CACNA2D3: variants seen among roughly 807,000 people sequenced by gnomAD.
CACNA2D3 encodes the protein voltage-dependent calcium channel subunit alpha-2/delta-3.
Under a neutral mutation model 160.6 loss-of-function variants are expected in CACNA2D3, and 60 were observed. The observed-to-expected ratio is 0.37, with a 90% CI of 0.30 to 0.46. The LOEUF is 0.46. Ranked by LOEUF, CACNA2D3 falls within the 20% of genes least tolerant of loss-of-function variation. CACNA2D3 has a pLI of 1.00. For synonymous variants in CACNA2D3, 558 were observed against 492.9 expected, an observed-to-expected ratio of 1.13 and a Z score of -1.75; for missense variants, 1,205 against 1,365.0, an observed-to-expected ratio of 0.88 and a Z score of 1.85.
intron 17 of CACNA2D3, among the ~76,000 whole-genome samples, chr3:54,859,814 T>C (rs1300874483): frequency 2.0e-5 from 3 of 152,064 alleles, no homozygotes; most frequent in Non-Finnish European, 4.4e-5. Flanking sequence ...GAGGAGCAAG[T>C]CAAGGGGACA....
chr3:54,163,133 G>A lies in CACNA2D3; in HGVS notation c.204+39539G>A, dbSNP rs1700380275. Among the ~76,000 whole-genome samples, 3 of 152,322 alleles carry A rather than the reference G, an allele frequency of 2.0e-5. No individual in the cohort carries two copies. The South Asian group carries it at 6.2e-4, about 32-fold the overall frequency. On this transcript the variant is annotated intron_variant, in intron 2 of 37. Coordinates refer to ENST00000474759, the MANE Select transcript of CACNA2D3 (RefSeq NM_018398.3). ...CAAATGAGGTTGGAGAAGCATCAAG[G>A]GGTCAGATGATGTAGGGCTATGCAG...
rs116338055 is a variant in CACNA2D3 at position 54,980,028 on chromosome 3, A to G, written c.2557-4580A>G. Among the ~76,000 whole-genome samples the G allele has an allele frequency of 5.6e-3, 848 of 152,338 alleles. 6 individuals carry two copies. The highest frequency in any genetic ancestry group is 0.02 in the African/African-American group (816 of 41,584). ...TCTTATAATTTTGGAACACATACCA[A>G]TAGCACAACTATATAAATATATCCC... On this transcript the variant is annotated intron_variant, in intron 29 of 37. Coordinates refer to ENST00000474759, the MANE Select transcript of CACNA2D3 (RefSeq NM_018398.3).
chr3:54,726,787 G>A (rs1185529199), intron 11 of CACNA2D3, among the ~76,000 whole-genome samples: 4 of 152,104 alleles, frequency 2.6e-5, no homozygotes, highest in South Asian at 4.1e-4. Flanking sequence ...AGACTTAAAC[G>A]TAAAACCTAG....
At chr3:54,426,754 A>G (rs1048855437) in intron 4 of CACNA2D3, among the ~76,000 whole-genome samples, 5 of 152,192 alleles carry the variant, frequency 3.3e-5, no homozygotes, top group African/African-American at 1.2e-4. Flanking sequence ...AATTCTTAAT[A>G]GTTCTTGTGT....
intron 11 of CACNA2D3, among the ~76,000 whole-genome samples, chr3:54,667,658 A>T (rs2106892200): frequency 6.6e-6 from 1 of 152,290 alleles, no homozygotes; most frequent in South Asian, 2.1e-4. Flanking sequence ...AAAGAGTCAA[A>T]ATAAGGTCAG....
chr3:55,023,228 C>T (rs962285518), intron 35 of CACNA2D3, among the ~76,000 whole-genome samples: 1 of 152,150 alleles, frequency 6.6e-6, no homozygotes, highest in African/African-American at 2.4e-5. Flanking sequence ...TTTCGGATGG[C>T]TTTTACAGTG....
intron 2 of CACNA2D3, among the ~76,000 whole-genome samples, chr3:54,295,098 A>C (rs1242545844): frequency 6.6e-6 from 1 of 152,232 alleles, no homozygotes; most frequent in Non-Finnish European, 1.5e-5. Context: ...AATGAGACAC[A>C]TCTTCAGTGG....
intron 9 of CACNA2D3, among the ~76,000 whole-genome samples, chr3:54,607,838 A>G (rs1698667795): frequency 6.6e-6 from 1 of 152,250 alleles, no homozygotes; most frequent in South Asian, 2.1e-4. Context: ...AGTTTCCTTC[A>G]GCACGGGAAT....
chr3:54,748,226 C>T (rs1054842538), intron 11 of CACNA2D3, among the ~76,000 whole-genome samples: 1 of 152,160 alleles, frequency 6.6e-6, no homozygotes, highest in Non-Finnish European at 1.5e-5. Context: ...GTAGCCACTT[C>T]CTTCCCCTAA....
At chr3:54,420,059 C>T (rs1340048310) in intron 4 of CACNA2D3, among the ~76,000 whole-genome samples, 1 of 151,714 alleles carries the variant, frequency 6.6e-6, no homozygotes, top group Admixed American at 6.6e-5. Context: ...AGCTACTGCA[C>T]CCGGCCTATT....
At chr3:54,742,415 C>G (rs879482372) in intron 11 of CACNA2D3, among the ~76,000 whole-genome samples, 1 of 151,976 alleles carries the variant, frequency 6.6e-6, no homozygotes, top group Non-Finnish European at 1.5e-5. Flanking sequence ...GAGACTGTGT[C>G]TCAAAAAATA....
chr3:54,173,256 A>G (rs796438024), intron 2 of CACNA2D3, among the ~76,000 whole-genome samples: 14 of 152,312 alleles, frequency 9.2e-5, no homozygotes, highest in African/African-American at 3.4e-4. Context: ...ACATTCTGCA[A>G]ACATCTTTGG....
chr3:54,138,538 A>G (rs1250216537), intron 2 of CACNA2D3, among the ~76,000 whole-genome samples: 1 of 152,196 alleles, frequency 6.6e-6, no homozygotes, highest in African/African-American at 2.4e-5. Flanking sequence ...CTGGACAAAT[A>G]CTTGTTTTCA....
At chr3:54,872,314 G>T (rs1005970842) in intron 18 of CACNA2D3, among the ~76,000 whole-genome samples, 9 of 152,120 alleles carry the variant, frequency 5.9e-5, no homozygotes, top group Non-Finnish European at 1.5e-5. Flanking sequence ...GGCTGCCTTT[G>T]TGTGAATCCA....
At chr3:54,736,085 ATGTGTATATATATACATATATATG>A (rs1701513740) in intron 11 of CACNA2D3, among the ~76,000 whole-genome samples, 7 of 32,456 alleles carry the variant, frequency 2.2e-4, no homozygotes, top group African/African-American at 4.6e-4. Flanking sequence ...ATATATATGT[ATGTGTATATATATACATATATATG>A]TATATATATA....
chr3:54,473,874 C>T (rs186257987), intron 4 of CACNA2D3, among the ~76,000 whole-genome samples: 3 of 151,990 alleles, frequency 2.0e-5, no homozygotes, highest in Admixed American at 1.3e-4. Flanking sequence ...TTTAGAATGG[C>T]GATTATTAAA....
chr3:54,645,104 C>T (rs1485539443), intron 11 of CACNA2D3, among the ~76,000 whole-genome samples: 7 of 152,198 alleles, frequency 4.6e-5, no homozygotes, highest in Non-Finnish European at 1.0e-4. Context: ...TTAATTGACT[C>T]ACAATTGTGC....
intron 14 of CACNA2D3, among the ~76,000 whole-genome samples, chr3:54,828,104 G>A (rs940873600): frequency 1.3e-5 from 2 of 152,212 alleles, no homozygotes; most frequent in Admixed American, 6.5e-5. Flanking sequence ...AAGGTTTTAT[G>A]GAGGAAGCAG....
At chr3:54,126,272 G>A (rs1366938308) in intron 2 of CACNA2D3, among the ~76,000 whole-genome samples, 1 of 152,122 alleles carries the variant, frequency 6.6e-6, no homozygotes, top group East Asian at 1.9e-4. Context: ...AATAATAATT[G>A]GCCATGCATC....
Sources: gnomAD v4.1 joint callset for allele counts (sites outside exome capture counted in the v4.1 genomes callset) on GRCh38, gnomAD v4.1.1 for gene constraint, MANE v1.5 for transcripts, NCBI Gene and HGNC (gene_info 2026-07-23, HGNC 2026-07-21) for gene names.